Variants in RAD54L observed in about 807,000 individuals in gnomAD.
RAD54L encodes RAD54 like, also known as DNA repair and recombination protein RAD54-like.
Under a neutral mutation model 91.6 loss-of-function variants are expected in RAD54L, and 74 were observed. The ratio of observed to expected loss-of-function variants is 0.81; its 90% CI spans 0.67 to 0.98. RAD54L has a LOEUF of 0.98. RAD54L is among the 50% of genes least tolerant of loss of function. The pLI, the probability that RAD54L is intolerant of heterozygous loss-of-function variation, is 0.00. For missense variants in RAD54L, 887 were observed against 945.7 expected (o/e 0.94, Z 0.81); for synonymous variants, 304 against 349.7 (o/e 0.87, Z 1.46).
At chr1:46,267,398 T>G in intron 8 of RAD54L, 61 bp from the exon 9 acceptor site, 343 of 1,603,276 alleles carry the variant, frequency 2.1e-4, no homozygotes, top group Non-Finnish European at 2.7e-4. Flanking sequence ...CCTGTCTACA[T>G]GAGACTTTGC....
In RAD54L at chr1:46,261,261, A is replaced by T. The variant is rs141167466; in HGVS notation, c.767A>T (p.Glu256Val). The change falls in exon 8 of 18, where the codon GAA becomes GTA. Residue 256 changes from glutamate to valine, a missense_variant and splice_region_variant. Coordinates refer to ENST00000371975, the MANE Select transcript of RAD54L (RefSeq NM_003579.4). ...TCCCTTTACACCTTTTCTGTTGTAGAAGGATTCATGAACCAGCGTGGAGCC... is the reference window on the plus strand; with the variant it reads ...TCCCTTTACACCTTTTCTGTTGTAGTAGGATTCATGAACCAGCGTGGAGCC... The part of the protein sequence containing the change: ...GSKDEIDQKL[E>V]GFMNQRGARV... The T allele has an allele frequency of 5.5e-5, 89 of 1,611,828 alleles. No individual in the cohort carries two copies. In the African/African-American group the frequency reaches 1.1e-3, roughly 20 times the overall value.
At position 46,248,509 on chromosome 1, in the gene RAD54L, C is replaced by T. The variant is rs1387414846; in HGVS notation, c.4-3C>T. 1.2e-6 allele frequency: 2 copies of T among 1,614,132 alleles called. No individual in the cohort carries two copies. Among genetic ancestry groups the T allele is most frequent in the South Asian group, 1.1e-5 (1 of 91,082 alleles). On this transcript the variant is annotated splice_region_variant and splice_polypyrimidine_tract_variant and intron_variant, in intron 1 of 17. Coordinates refer to ENST00000371975, the MANE Select transcript of RAD54L (RefSeq NM_003579.4). ...AGGCACTGTTTCTGTTCTCCCTTTA[C>T]AGAGGAGGAGCTTGGCTCCCAGCCA...
intron 3 of RAD54L, among the ~76,000 whole-genome samples, chr1:46,257,838 A>C (rs1659984298): frequency 6.6e-6 from 1 of 152,182 alleles, no homozygotes; most frequent in Non-Finnish European, 1.5e-5. Context: ...TAGAACCAGG[A>C]AAGTCCTGCA....
chr1:46,267,616 A>C lies in RAD54L; in HGVS notation c.1042+7A>C. The C allele has an allele frequency of 1.2e-6, 2 of 1,605,582 alleles. No homozygotes were observed. The highest frequency in any genetic ancestry group is 1.7e-6 in the Non-Finnish European group (2 of 1,172,356). ...GTTAATTCCGGCATCCTAGGTAAGA[A>C]TCTAGCCTTGTTTGCCACATCAGAG... is the stretch of plus-strand genomic sequence containing the variant. On this transcript the variant is annotated splice_region_variant and intron_variant, in intron 9 of 17. Coordinates refer to ENST00000371975, the MANE Select transcript of RAD54L (RefSeq NM_003579.4).
At chr1:46,248,454 T>A in intron 1 of RAD54L, 46 bp downstream of exon 1, 4 of 1,614,024 alleles carry the variant, frequency 2.5e-6, no homozygotes, top group Non-Finnish European at 3.4e-6. Context: ...TGGGTCAGGG[T>A]CTAGTAGGCC....
rs906943045 is a variant in RAD54L, at chr1:46,263,641, G to A, written c.891+2256G>A. ...AGGGAACTTACCAGGTTGAGGTGAG[G>A]TATGCATGTTACTGCCCTGTGGTTC... On this transcript the variant is annotated intron_variant, in intron 8 of 17. Transcript: ENST00000371975. The surrounding 1 kb of genome is among the most constrained non-coding windows in gnomAD (Gnocchi z 4.3). Among the ~76,000 whole-genome samples, 1 of 152,106 alleles carries A rather than the reference G, an allele frequency of 6.6e-6. No individual in the cohort carries two copies. The highest frequency in any genetic ancestry group is 6.6e-5 in the Admixed American group (1 of 15,256).
At chr1:46,250,590 C>G (rs985681106) in intron 3 of RAD54L, among the ~76,000 whole-genome samples, 4 of 152,176 alleles carry the variant, frequency 2.6e-5, no homozygotes, top group African/African-American at 9.6e-5. Flanking sequence ...ATCTCCAAAG[C>G]TTTTCCACTA....
Position 46,263,094 on chromosome 1 carries a change from G to T in RAD54L, c.891+1709G>T, listed in dbSNP as rs28363221. 1.3e-3 allele frequency among the ~76,000 whole-genome samples: 194 copies of T among 152,182 alleles called. No individual in the cohort carries two copies. Among genetic ancestry groups the T allele is most frequent in the African/African-American group, 4.4e-3 (182 of 41,530 alleles). On this transcript the variant is annotated intron_variant, in intron 8 of 17. Transcript: ENST00000371975. This position sits in a 1 kb window ranked among gnomAD's most constrained non-coding sequence, Gnocchi z 4.3. ...AGCTCTTGGTGGTTATTCCAGGCTG[G>T]GGGTACTTGCAAGAACAAAAGCAGA...
At chr1:46,271,613 C>T (rs533349020) in intron 10 of RAD54L, among the ~76,000 whole-genome samples, 2 of 151,860 alleles carry the variant, frequency 1.3e-5, no homozygotes, top group South Asian at 2.1e-4. Flanking sequence ...AGCTGAGCTG[C>T]GCCACTGCAC....
At chr1:46,254,347 C>T (rs1056336540) in intron 3 of RAD54L, among the ~76,000 whole-genome samples, 1 of 151,342 alleles carries the variant, frequency 6.6e-6, no homozygotes, top group Non-Finnish European at 1.5e-5. Flanking sequence ...CTGGGGCCCA[C>T]AAGAGTCATA....
In RAD54L at chr1:46,278,078, C is replaced by T. The variant is rs2148308621; in HGVS notation, c.2040C>T (p.His680=). Residue 680 remains histidine, a synonymous_variant, in exon 18 of 18, where the codon CAC becomes CAT. Coordinates refer to ENST00000371975, the MANE Select transcript of RAD54L (RefSeq NM_003579.4). ...CTGTGCCTTCTGTCCCTAGGTTGCA[C>T]TGCCGACGTTGTGTCAACAGCCGTC... The part of the protein sequence containing the change: ...ASLSDTHDRL[H]CRRCVNSRQI... 1 of 1,614,162 alleles carries T rather than the reference C, an allele frequency of 6.2e-7. No individual in the cohort carries two copies. The highest frequency in any genetic ancestry group is 8.5e-7 in the Non-Finnish European group (1 of 1,180,004).
rs747730697 is a variant in RAD54L, at chr1:46,278,058, CCT to C, written c.2034-13_2034-12del. The C allele has an allele frequency of 1.2e-6, 2 of 1,614,078 alleles. No homozygotes were observed. Among genetic ancestry groups the C allele is most frequent in the East Asian group, 4.5e-5 (2 of 44,892 alleles). On this transcript the variant is annotated splice_polypyrimidine_tract_variant and intron_variant, in intron 17 of 17. Coordinates refer to ENST00000371975, the MANE Select transcript of RAD54L (RefSeq NM_003579.4). ...GGGATCTGTAGTGACTTCAGCTGTG[CCT>C]TCTGTCCCTAGGTTGCACTGCCGAC...
chr1:46,249,813 G>A (rs546354329), intron 2 of RAD54L, among the ~76,000 whole-genome samples, 187 bp from the exon 3 acceptor site: 1 of 152,300 alleles, frequency 6.6e-6, no homozygotes, highest in Non-Finnish European at 1.5e-5. Context: ...TTAAGCTCTA[G>A]TTTTCTCACC....
chr1:46,277,642 A>T, intron 16 of RAD54L, 175 bp from the exon 17 acceptor site: 1 of 726,362 alleles, frequency 1.4e-6, no homozygotes, highest in Non-Finnish European at 2.3e-6. Flanking sequence ...TTCTCAGGAG[A>T]CAGACTGGGA....
Position 46,277,706 on chromosome 1 carries a change from A to C in RAD54L, c.1870-111A>C, listed in dbSNP as rs1660653262. 2.4e-6 allele frequency: 3 copies of C among 1,251,634 alleles called. No homozygotes were observed. The South Asian group carries it at 3.7e-5, about 15-fold the overall frequency. 77.5% of individuals were successfully genotyped at this position (1,251,634 alleles called of 1,614,324 possible). A position where few individuals can be genotyped will look rare whatever the true frequency, so the allele number is the denominator to read the frequency against. ...GTTCTGGGACTCATACTTTTTATTC[A>C]TCTCCTCTTCTCGGGTAGCTGTAGT... On this transcript the variant is annotated intron_variant, in intron 16 of 17. Coordinates refer to ENST00000371975, the MANE Select transcript of RAD54L (RefSeq NM_003579.4).
Position 46,272,452 on chromosome 1 carries a change from C to T in RAD54L, c.1170-14C>T, listed in dbSNP as rs753109517. ...TTTTACCAGCCTCTTGCCTTTTTATCCTGTTTTCTCTAGATGCCTGATACG... is the reference window on the plus strand; with the variant it reads ...TTTTACCAGCCTCTTGCCTTTTTATTCTGTTTTCTCTAGATGCCTGATACG... On this transcript the variant is annotated splice_polypyrimidine_tract_variant and intron_variant, in intron 10 of 17. Coordinates refer to ENST00000371975, the MANE Select transcript of RAD54L (RefSeq NM_003579.4). The T allele has an allele frequency of 1.3e-6, 2 of 1,594,762 alleles. No individual in the cohort carries two copies. The highest frequency in any genetic ancestry group is 1.1e-5 in the South Asian group (1 of 90,694).
chr1:46,272,545 T>C lies in RAD54L; in HGVS notation c.1244+5T>C. 1.2e-6 allele frequency: 2 copies of C among 1,609,510 alleles called. No homozygotes were observed. On this transcript the variant is annotated splice_donor_5th_base_variant and intron_variant, in intron 11 of 17. Coordinates refer to ENST00000371975, the MANE Select transcript of RAD54L (RefSeq NM_003579.4). ...TGAGCAGGTCGTTTGTTGTAGGTACTGAACTCAACTGAAAGATGTGGAGTG... is the reference window on the plus strand; with the variant it reads ...TGAGCAGGTCGTTTGTTGTAGGTACCGAACTCAACTGAAAGATGTGGAGTG...
chr1:46,251,868 A>G (rs568517656), intron 3 of RAD54L, among the ~76,000 whole-genome samples: 2 of 152,082 alleles, frequency 1.3e-5, no homozygotes, highest in East Asian at 3.9e-4. Flanking sequence ...TGAGATTGGC[A>G]CCATTGCACT....
chr1:46,261,536 C>A, intron 8 of RAD54L, 151 bp downstream of exon 8: 1 of 953,530 alleles, frequency 1.0e-6, no homozygotes, highest in Non-Finnish European at 1.6e-6. Flanking sequence ...CCTGTGATAC[C>A]AAAATACAAG....
Sources: allele counts gnomAD v4.1 joint callset (sites outside exome capture counted in the v4.1 genomes callset), GRCh38; gene constraint gnomAD v4.1.1; non-coding constraint Gnocchi (gnomAD v3.1); transcripts MANE v1.5; gene names NCBI Gene and HGNC (gene_info 2026-07-23, HGNC 2026-07-21).